The following POLA1 variants were observed in gnomAD, a reference collection of about 807,000 sequenced individuals.
The protein encoded by POLA1 is DNA polymerase alpha 1, catalytic subunit.
In POLA1, 15 loss-of-function variants were observed where a neutral mutation model predicts 124.0. That is an observed-to-expected ratio of 0.12 (90% CI 0.08 to 0.19). The LOEUF (loss-of-function observed/expected upper bound fraction) is 0.19. POLA1 is among the 10% of genes least tolerant of loss of function. The pLI is 1.00. For synonymous variants in POLA1, 408 were observed against 389.4 expected, an observed-to-expected ratio of 1.05 and a Z score of -0.56; for missense variants, 886 against 1,103.4, an observed-to-expected ratio of 0.80 and a Z score of 2.79.
Position 24,994,028 on chromosome X carries a change from C to A in POLA1, c.4262-1777C>A, listed in dbSNP as rs144143420. Among the ~76,000 whole-genome samples the A allele has an allele frequency of 5.8e-3, 654 of 112,102 alleles. 4 individuals are homozygous for A. Among genetic ancestry groups the A allele is most frequent in the Non-Finnish European group, 1.0e-2 (530 of 53,195 alleles). ...TGTCCTCTCTTTTCCTCCCCTGCTCCGTATTACCGCAGCTCTTTAAATGTG... is the reference window on the plus strand; with the variant it reads ...TGTCCTCTCTTTTCCTCCCCTGCTCAGTATTACCGCAGCTCTTTAAATGTG... On this transcript the variant is annotated intron_variant, in intron 36 of 36. Transcript: ENST00000379068.
At chrX:24,952,915 A>G (rs1306705305) in intron 36 of POLA1, among the ~76,000 whole-genome samples, 2 of 111,952 alleles carry the variant, frequency 1.8e-5, no homozygotes, top group African/African-American at 3.2e-5. Flanking sequence ...ATTCATTCAT[A>G]TTTTTGTTAT....
rs769263252 is a variant in POLA1, at chrX:24,896,465, T to TTTTTG, written c.4164+8363_4164+8367dup. On this transcript the variant is annotated intron_variant, in intron 35 of 36. Transcript: ENST00000379068. Reference sequence around the variant, plus strand: ...TTTGTTTTGGTTTTTGGTTTTTGGGTTTTTGTTTTGTTTTGTTTTGTTTTT... The same window carrying TTTTTG: ...TTTGTTTTGGTTTTTGGTTTTTGGGTTTTTGTTTTGTTTTGTTTTGTTTTGTTTTT... Among the ~76,000 whole-genome samples the TTTTTG allele has an allele frequency of 6.4e-5, 7 of 108,917 alleles. No individual in the cohort carries two copies. In the South Asian group the frequency reaches 1.1e-3, roughly 17 times the overall value. 94.6% of individuals were successfully genotyped at this position (108,917 alleles called of 115,157 possible).
intron 26 of POLA1, among the ~76,000 whole-genome samples, chrX:24,767,765 C>T (rs1360813834): frequency 8.9e-6 from 1 of 111,924 alleles, no homozygotes; most frequent in Non-Finnish European, 1.9e-5. Flanking sequence ...GCCTATTACT[C>T]ATCCACTCCC....
rs1185824142 is a variant in POLA1, at chrX:24,717,300, A to G, written c.717A>G (p.Val239=). 8.3e-7 allele frequency: 1 copy of G among 1,207,945 alleles called. No homozygotes were observed. The highest frequency in any genetic ancestry group is 2.2e-5 in the Admixed American group (1 of 46,004). ...TGATGATGCCTACAGGCGATGATGT[A>G]CAGGTCGAGAGTACAGAAGAAGAGC... ...LKRAEFAGDD[V]QVESTEEEQE... Residue 239 remains valine, a synonymous_variant, in exon 9 of 37, where the codon GTA becomes GTG. Coordinates refer to ENST00000379068, the MANE Select transcript of POLA1 (RefSeq NM_001330360.2).
In POLA1 at chrX:24,908,502, T is replaced by G. The variant is rs755491056; in HGVS notation, c.4164+20380T>G. On this transcript the variant is annotated intron_variant, in intron 35 of 36. Transcript: ENST00000379068. ...ATGCGGTGTTTGGTTTTTTTGTCCT[T>G]GCGATAGTTTGCTGAGAATGATGGT... 1.0e-4 allele frequency among the ~76,000 whole-genome samples: 11 copies of G among 107,206 alleles called. No homozygotes were observed. The East Asian group carries it at 2.7e-3, about 27-fold the overall frequency. 93.1% of individuals were successfully genotyped at this position (107,206 alleles called of 115,157 possible). A position where few individuals can be genotyped will look rare whatever the true frequency, so the allele number is the denominator to read the frequency against.
rs758803326 is a variant in POLA1, at chrX:24,843,631, A to G, written c.4001A>G (p.Asn1334Ser). The change falls in exon 34 of 37, where the codon AAC becomes AGC. Residue 1334 changes from asparagine to serine, a missense_variant. Physicochemically the swap from Asn to Ser is conservative, Grantham distance 46 (BLOSUM62 1). This residue lies in a region of POLA1 where 313 missense variants were observed against 359.7 expected (regional missense o/e 0.87). Coordinates refer to ENST00000379068, the MANE Select transcript of POLA1 (RefSeq NM_001330360.2). ...SPLTFTVQLSNKLIMDIRRFI... is the reference protein window; with the variant it reads ...SPLTFTVQLSSKLIMDIRRFI... Reference sequence around the variant, plus strand: ...CTGACCTTTACAGTACAACTGAGCAACAAATTGATCATGGACATTAGACGT... The same window carrying G: ...CTGACCTTTACAGTACAACTGAGCAGCAAATTGATCATGGACATTAGACGT... The G allele has an allele frequency of 2.5e-6, 3 of 1,187,221 alleles. No homozygotes were observed. The Admixed American group carries it at 6.7e-5, about 27-fold the overall frequency.
chrX:24,909,385 T>G (rs2047412880), intron 35 of POLA1, among the ~76,000 whole-genome samples: 1 of 112,350 alleles, frequency 8.9e-6, no homozygotes, highest in Admixed American at 9.4e-5. Context: ...CATTTAAGTC[T>G]TTAACCCATC....
chrX:24,972,980 G>C (rs1387989335), intron 36 of POLA1, among the ~76,000 whole-genome samples: 2 of 112,256 alleles, frequency 1.8e-5, no homozygotes, highest in African/African-American at 6.5e-5. Flanking sequence ...AGGGACCCTA[G>C]ACAAAGAAGC....
chrX:24,992,445 CAG>C (rs1474083540), intron 36 of POLA1, among the ~76,000 whole-genome samples: 1 of 112,455 alleles, frequency 8.9e-6, no homozygotes, highest in African/African-American at 3.2e-5. Flanking sequence ...CACCTCTACA[CAG>C]AGACAATTAT....
chrX:24,943,996 G>A (rs978182262), intron 36 of POLA1, among the ~76,000 whole-genome samples: 3 of 111,863 alleles, frequency 2.7e-5, no homozygotes, highest in African/African-American at 9.8e-5. Context: ...ACTCAAGCTG[G>A]TAGACCACAG....
chrX:24,741,115 T>TTGTGTGTGTG (rs751996539), intron 20 of POLA1, among the ~76,000 whole-genome samples: 6 of 89,577 alleles, frequency 6.7e-5, no homozygotes, highest in African/African-American at 2.3e-4. Context: ...TTATGGGATT[T>TTGTGTGTGTG]TGTGTGTGTG....
intron 36 of POLA1, among the ~76,000 whole-genome samples, chrX:24,942,853 G>A (rs1210201618): frequency 1.8e-5 from 2 of 111,716 alleles, no homozygotes; most frequent in African/African-American, 6.5e-5. Context: ...GTGCCACCAC[G>A]CCCAGCTAAT....
At chrX:24,912,233 G>A (rs942730800) in intron 35 of POLA1, among the ~76,000 whole-genome samples, 5 of 112,226 alleles carry the variant, frequency 4.5e-5, no homozygotes, top group African/African-American at 1.3e-4. Flanking sequence ...CAAATATATC[G>A]TAGGTGTAAA....
chrX:24,781,676 G>A (rs1008784056), intron 26 of POLA1, among the ~76,000 whole-genome samples: 2 of 111,615 alleles, frequency 1.8e-5, no homozygotes, highest in Non-Finnish European at 3.8e-5. Context: ...TACTGAATAT[G>A]TTAAGCTTCT....
chrX:24,712,034 C>A (rs1345981452), intron 4 of POLA1, among the ~76,000 whole-genome samples: 1 of 112,396 alleles, frequency 8.9e-6, no homozygotes, highest in African/African-American at 3.2e-5. Flanking sequence ...GAATTTTTGC[C>A]ACTCTGATAT....
At chrX:24,788,434 G>C (rs1416095802) in intron 26 of POLA1, 2 of 1,197,149 alleles carry the variant, frequency 1.7e-6, no homozygotes, top group South Asian at 3.5e-5. Context: ...ACTGCACGTA[G>C]TCCTCAAAAG....
rs758452941 is a variant in POLA1, at chrX:24,996,860, T to G, written c.*910T>G. 1.8e-5 allele frequency: 2 copies of G among 112,159 alleles called. No individual in the cohort carries two copies. Among genetic ancestry groups the G allele is most frequent in the African/African-American group, 6.5e-5 (2 of 30,779 alleles). The allele number at this position is 112,159 out of a possible 1,213,427, so 9.2% of individuals were successfully genotyped here. On this transcript the variant is annotated 3_prime_UTR_variant, in exon 37 of 37. Coordinates refer to ENST00000379068, the MANE Select transcript of POLA1 (RefSeq NM_001330360.2). ...TCCTCTCTTACATTATTGGTAAGAT[T>G]ATACTAACAAAATGTTTCCCCTTGT...
chrX:24,853,542 C>T (rs1279561939), intron 34 of POLA1, among the ~76,000 whole-genome samples: 4 of 111,705 alleles, frequency 3.6e-5, no homozygotes, highest in African/African-American at 9.8e-5. Context: ...TTTTTGAAAT[C>T]GCATTTGTTC....
intron 34 of POLA1, among the ~76,000 whole-genome samples, chrX:24,868,840 G>C (rs1437413073): frequency 8.9e-6 from 1 of 112,041 alleles, no homozygotes; most frequent in Non-Finnish European, 1.9e-5. Context: ...ACAGCATTCG[G>C]ATAAAAATGT....
Sources: allele counts gnomAD v4.1 joint callset (sites outside exome capture counted in the v4.1 genomes callset), GRCh38; gene constraint gnomAD v4.1.1; regional missense constraint gnomAD v4.1.1; transcripts MANE v1.5; gene names NCBI Gene and HGNC (gene_info 2026-07-23, HGNC 2026-07-21).